MAD1L1: variants seen among roughly 807,000 people sequenced by gnomAD.
MAD1L1 encodes the protein mitotic arrest deficient 1 like 1, also known as mitotic spindle assembly checkpoint protein MAD1.
A neutral mutation model predicts 96.9 loss-of-function variants in MAD1L1; 95 were observed. The observed-to-expected ratio is 0.98, with a 90% CI of 0.83 to 1.16. The LOEUF (loss-of-function observed/expected upper bound fraction) is 1.16, where lower values mean the gene tolerates loss of function less well. Among genes scored for constraint, MAD1L1 ranks in the 50% most tolerant of loss-of-function variants. MAD1L1 has a pLI of 0.00. For missense variants in MAD1L1, 1,007 were observed against 954.4 expected (o/e 1.06, Z -0.73); for synonymous variants, 473 against 396.6 (o/e 1.19, Z -2.29).
chr7:2,220,870 C>G (rs755390873), intron 5 of MAD1L1: 128 of 1,603,830 alleles, frequency 8.0e-5, no homozygotes, highest in Non-Finnish European at 1.1e-4. Context: ...CTTCCGAACT[C>G]AATTAATACG....
chr7:2,157,790 G>A (rs1789915063), intron 10 of MAD1L1, among the ~76,000 whole-genome samples: 4 of 152,344 alleles, frequency 2.6e-5, no homozygotes, highest in African/African-American at 2.4e-5. Flanking sequence ...ACCTCCAACT[G>A]GCAGGAAGAG....
At chr7:2,211,636 A>G (rs1792953086) in intron 10 of MAD1L1, among the ~76,000 whole-genome samples, 1 of 152,178 alleles carries the variant, frequency 6.6e-6, no homozygotes, top group Non-Finnish European at 1.5e-5. Context: ...CAGAAGCACA[A>G]AGCATTTAGG....
intron 11 of MAD1L1, among the ~76,000 whole-genome samples, chr7:2,106,253 G>A (rs549479486): frequency 7.4e-4 from 112 of 152,184 alleles, no homozygotes; most frequent in African/African-American, 2.5e-3. Context: ...TGAAAGGTGC[G>A]AGCACGGCAG....
intron 10 of MAD1L1, among the ~76,000 whole-genome samples, chr7:2,195,806 C>G (rs1791956516): frequency 6.6e-6 from 1 of 152,250 alleles, no homozygotes; most frequent in Non-Finnish European, 1.5e-5. Context: ...TGGCTCCCAG[C>G]AAAGGCAGGC....
intron 5 of MAD1L1, chr7:2,221,142 C>A: frequency 1.1e-6 from 1 of 890,870 alleles, no homozygotes; most frequent in Non-Finnish European, 1.7e-6. Flanking sequence ...CCATCTTCCC[C>A]TCACTATGCC....
intron 18 of MAD1L1, among the ~76,000 whole-genome samples, chr7:1,840,435 A>G (rs1267492709): frequency 2.0e-5 from 3 of 152,204 alleles, no homozygotes; most frequent in Admixed American, 1.3e-4. Flanking sequence ...GCCGCGTCAT[A>G]AACAGTAAAA....
In MAD1L1 at chr7:1,838,764, T is replaced by G. The variant is rs148452641; in HGVS notation, c.1999-22536A>C. The G allele has an allele frequency of 2.0e-3, 949 of 471,212 alleles. 7 individuals carry two copies. The highest frequency in any genetic ancestry group is 0.017 in the African/African-American group (850 of 50,186). The allele number at this position is 471,212 out of a possible 1,614,324, so 29.2% of individuals were successfully genotyped here. On this transcript the variant is annotated intron_variant, in intron 18 of 18. Coordinates refer to ENST00000265854, the MANE Select transcript of MAD1L1 (RefSeq NM_001013836.2). ...TGATGATGGCTGCACGCTCTGTAGA[T>G]GACATCTCAATCAAGCTGCTTCATG...
At chr7:2,067,758 A>T (rs2128528154) in intron 12 of MAD1L1, among the ~76,000 whole-genome samples, 1 of 152,364 alleles carries the variant, frequency 6.6e-6, no homozygotes, top group Non-Finnish European at 1.5e-5. Flanking sequence ...GGTTCTCCAC[A>T]CACACTTTCG....
rs375934525 is a variant in MAD1L1, at chr7:1,873,089, C to T, written c.1998+25111G>A. ...CACAGGGAAGGGCTGCATGCCGAGCCGTGGAGGAGCGGGGAGGAGCCCCCC... is the reference window on the plus strand; with the variant it reads ...CACAGGGAAGGGCTGCATGCCGAGCTGTGGAGGAGCGGGGAGGAGCCCCCC... On this transcript the variant is annotated intron_variant, in intron 18 of 18. Transcript: ENST00000265854. Among the ~76,000 whole-genome samples, 55 of 152,360 alleles carry T rather than the reference C, an allele frequency of 3.6e-4. 1 individual carries two copies. The South Asian group carries it at 0.011, about 31-fold the overall frequency.
chr7:1,958,972 C>T (rs1779842181), intron 15 of MAD1L1, among the ~76,000 whole-genome samples: 1 of 152,190 alleles, frequency 6.6e-6, no homozygotes, highest in South Asian at 2.1e-4. Context: ...AACACAGAGG[C>T]CAGGCACGGT....
intron 16 of MAD1L1, among the ~76,000 whole-genome samples, chr7:1,940,974 C>CGCTCCTCTTCCTCTCCCAGGCCTCAG (rs1778946377): frequency 8.8e-6 from 1 of 114,150 alleles, no homozygotes; most frequent in Non-Finnish European, 1.9e-5. Context: ...GCAGGCCTCA[C>CGCTCCTCTTCCTCTCCCAGGCCTCAG]CCTCCTCTTC....
intron 15 of MAD1L1, among the ~76,000 whole-genome samples, chr7:1,978,411 A>T (rs1780744356): frequency 6.6e-6 from 1 of 152,180 alleles, no homozygotes; most frequent in South Asian, 2.1e-4. Context: ...CCGGCTTCGG[A>T]GGGGCTCCCA....
In MAD1L1 at chr7:1,823,976, G is replaced by A. The variant is rs151103861; in HGVS notation, c.1999-7748C>T. ...GGGGAGAGGAAAGGAGCCCTCGGGG[G>A]AAGTTATGCTGGGAGCCCATTTGTG... On this transcript the variant is annotated intron_variant, in intron 18 of 18. Coordinates refer to ENST00000265854, the MANE Select transcript of MAD1L1 (RefSeq NM_001013836.2). 4.2e-3 allele frequency among the ~76,000 whole-genome samples: 640 copies of A among 152,322 alleles called. 6 individuals carry two copies. The highest frequency in any genetic ancestry group is 0.014 in the African/African-American group (587 of 41,572).
At chr7:1,822,800 G>A (rs1476035755) in intron 18 of MAD1L1, among the ~76,000 whole-genome samples, 3 of 147,032 alleles carry the variant, frequency 2.0e-5, no homozygotes, top group African/African-American at 7.6e-5. Flanking sequence ...TTCCAAAAAA[G>A]AAGAGTAGAG....
At chr7:2,066,071 T>A (rs1479739467) in intron 12 of MAD1L1, among the ~76,000 whole-genome samples, 1 of 152,162 alleles carries the variant, frequency 6.6e-6, no homozygotes, top group Non-Finnish European at 1.5e-5. Flanking sequence ...TAGCTATCAG[T>A]AACAATTAAA....
At chr7:2,165,385 C>T (rs545739406) in intron 10 of MAD1L1, among the ~76,000 whole-genome samples, 1 of 152,238 alleles carries the variant, frequency 6.6e-6, no homozygotes, top group South Asian at 2.1e-4. Flanking sequence ...CATGACTCAT[C>T]CAACAACACA....
intron 15 of MAD1L1, among the ~76,000 whole-genome samples, chr7:1,976,394 A>C (rs1583971297): frequency 6.6e-6 from 1 of 152,118 alleles, no homozygotes; most frequent in Admixed American, 6.5e-5. Flanking sequence ...GAAGCTGCAG[A>C]CCTTCATGGT....
At chr7:2,186,072 A>T (rs1637751) in intron 10 of MAD1L1, among the ~76,000 whole-genome samples, 2 of 152,150 alleles carry the variant, frequency 1.3e-5, no homozygotes, top group Non-Finnish European at 2.9e-5. Flanking sequence ...CGGAAACACT[A>T]ACAACATCAA....
chr7:2,154,256 G>A (rs35256954), intron 10 of MAD1L1, among the ~76,000 whole-genome samples: 19,629 of 152,278 alleles, frequency 0.13, 1,490 homozygotes, highest in Middle Eastern at 0.27. Flanking sequence ...GAAACTGCAC[G>A]TCTTCACTCA....
Sources: gnomAD v4.1 joint callset for allele counts (sites outside exome capture counted in the v4.1 genomes callset) on GRCh38, gnomAD v4.1.1 for gene constraint, MANE v1.5 for transcripts, NCBI Gene and HGNC (gene_info 2026-07-23, HGNC 2026-07-21) for gene names.